FRAS1: variants seen among roughly 807,000 people sequenced by gnomAD.
The protein encoded by FRAS1 is Fraser extracellular matrix complex subunit 1.
A neutral mutation model predicts 435.2 loss-of-function variants in FRAS1; 290 were observed. That is an observed-to-expected ratio of 0.67 (90% CI 0.61 to 0.73). The LOEUF (loss-of-function observed/expected upper bound fraction) is 0.73, where lower values mean the gene tolerates loss of function less well. Among genes scored for constraint, FRAS1 ranks in the 30% least tolerant of loss-of-function variants. The pLI, the probability that FRAS1 is intolerant of heterozygous loss-of-function variation, is 0.00. For missense variants in FRAS1, 4,860 were observed against 5,001.5 expected (o/e 0.97, Z 0.85); for synonymous variants, 1,800 against 1,851.0 (o/e 0.97, Z 0.71).
At chr4:78,126,714 A>C (rs1161390267) in intron 2 of FRAS1, among the ~76,000 whole-genome samples, 2 of 152,188 alleles carry the variant, frequency 1.3e-5, no homozygotes, top group Non-Finnish European at 2.9e-5. Flanking sequence ...TGTACAATTT[A>C]AGTATTTATA....
intron 65 of FRAS1, among the ~76,000 whole-genome samples, chr4:78,514,945 G>A (rs1721158034): frequency 6.6e-6 from 1 of 151,668 alleles, no homozygotes; most frequent in Non-Finnish European, 1.5e-5. Context: ...ACGTGCACCT[G>A]TAATCCCAGC....
intron 2 of FRAS1, among the ~76,000 whole-genome samples, chr4:78,153,448 C>T (rs1285808215): frequency 1.3e-5 from 2 of 152,180 alleles, no homozygotes; most frequent in Non-Finnish European, 2.9e-5. Context: ...CTCCTTCTGT[C>T]TAAACACTAA....
At chr4:78,090,139 T>C (rs948232567) in intron 2 of FRAS1, among the ~76,000 whole-genome samples, 1 of 152,172 alleles carries the variant, frequency 6.6e-6, no homozygotes, top group African/African-American at 2.4e-5. Flanking sequence ...TTCCAGTAAT[T>C]GTGAATGTGC....
chr4:78,163,481 A>G (rs1183581867), intron 2 of FRAS1, among the ~76,000 whole-genome samples: 2 of 152,198 alleles, frequency 1.3e-5, no homozygotes, highest in Non-Finnish European at 2.9e-5. Flanking sequence ...AATATTTAAA[A>G]TGGTTTTATT....
In FRAS1 at chr4:78,479,702, T is replaced by C. The variant is rs1022474216; in HGVS notation, c.8427T>C (p.Thr2809=). The C allele has an allele frequency of 2.5e-6, 4 of 1,592,022 alleles. No homozygotes were observed. The South Asian group carries it at 3.4e-5, about 14-fold the overall frequency. The change falls in exon 56 of 74, where the codon ACT becomes ACC. Residue 2809 remains threonine (T), a synonymous_variant. Coordinates refer to ENST00000512123, the MANE Select transcript of FRAS1 (RefSeq NM_025074.7). The part of the protein sequence containing the change: ...STVSLGNTAF[T]VSEDAGTVKI... ...TGTCCCTGGGCAACACGGCTTTCAC[T>C]GTCAGTGAGGACGCAGGTAATGGAG...
intron 2 of FRAS1, among the ~76,000 whole-genome samples, chr4:78,192,307 G>A (rs1273945363): frequency 6.6e-6 from 1 of 152,172 alleles, no homozygotes; most frequent in African/African-American, 2.4e-5. Context: ...AAATGAGTTA[G>A]GGAGGATTCC....
In FRAS1 at chr4:78,129,719, CT is replaced by C. The variant is rs543323705; in HGVS notation, c.108+63705del. Among the ~76,000 whole-genome samples the C allele has an allele frequency of 2.2e-3, 330 of 152,174 alleles. 1 individual carries two copies. The highest frequency in any genetic ancestry group is 7.3e-3 in the African/African-American group (302 of 41,506). On this transcript the variant is annotated intron_variant, in intron 2 of 73. Coordinates refer to ENST00000512123, the MANE Select transcript of FRAS1 (RefSeq NM_025074.7). Reference sequence around the variant, plus strand: ...AAGGGTATTTTCAACCAATATGATCCTTCTAAAATTGACCTCCTCACCTTCT... The same window carrying C: ...AAGGGTATTTTCAACCAATATGATCCTCTAAAATTGACCTCCTCACCTTCT...
At position 78,539,414 on chromosome 4, in the gene FRAS1, A is replaced by G. The variant is rs1478559961; in HGVS notation, c.11419A>G (p.Thr3807Ala). Residue 3807 changes from threonine to alanine, a missense_variant, in exon 73 of 74, where the codon ACT (threonine) becomes GCT (alanine). Physicochemically the swap from Thr to Ala is moderately conservative, Grantham distance 58 (BLOSUM62 0). Coordinates refer to ENST00000512123, the MANE Select transcript of FRAS1 (RefSeq NM_025074.7). ...VSNMPGVDGF[T>A]LKVDALYKVE... is the part of the protein sequence containing the mutation. ...TAACATGCCAGGTGTGGATGGATTTACTCTAAAAGTAGATGCACTCTATAA... is the reference window on the plus strand; with the variant it reads ...TAACATGCCAGGTGTGGATGGATTTGCTCTAAAAGTAGATGCACTCTATAA... 1.9e-6 allele frequency: 3 copies of G among 1,611,728 alleles called. No homozygotes were observed. Among genetic ancestry groups the G allele is most frequent in the East Asian group, 4.5e-5 (2 of 44,778 alleles).
intron 70 of FRAS1, 61 bp downstream of exon 70, chr4:78,526,718 C>A: frequency 1.9e-6 from 2 of 1,076,212 alleles, no homozygotes; most frequent in South Asian, 3.3e-5. Context: ...TTCTCCTACT[C>A]ACTAAAATTT....
intron 22 of FRAS1, among the ~76,000 whole-genome samples, chr4:78,367,254 A>ACCC: frequency 6.6e-6 from 1 of 152,132 alleles, no homozygotes; most frequent in Non-Finnish European, 1.5e-5. Context: ...AAAATTAAAA[A>ACCC]ATAAGCTGGG....
intron 2 of FRAS1, among the ~76,000 whole-genome samples, chr4:78,066,420 T>C (rs1408620984): frequency 6.6e-6 from 1 of 152,210 alleles, no homozygotes; most frequent in Non-Finnish European, 1.5e-5. Context: ...TTAAGTAGAA[T>C]AGGAAGGATT....
chr4:78,146,872 A>G (rs1019334870), intron 2 of FRAS1, among the ~76,000 whole-genome samples: 1 of 152,100 alleles, frequency 6.6e-6, no homozygotes, highest in Admixed American at 6.6e-5. Context: ...ATTGATAATT[A>G]CATGTTTTTT....
chr4:78,304,857 T>C (rs1024777631), intron 14 of FRAS1, among the ~76,000 whole-genome samples: 1 of 151,632 alleles, frequency 6.6e-6, no homozygotes, highest in Non-Finnish European at 1.5e-5. Flanking sequence ...GTGTCTCTAT[T>C]TCCTTCAGTT....
chr4:78,353,990 G>T (rs2110283301), intron 20 of FRAS1, among the ~76,000 whole-genome samples: 1 of 110,562 alleles, frequency 9.0e-6, no homozygotes, highest in East Asian at 3.0e-4. Flanking sequence ...CTAAAACTTA[G>T]AGTATAACAA....
At chr4:78,450,734 A>G (rs1378674509) in intron 45 of FRAS1, among the ~76,000 whole-genome samples, 2 of 152,214 alleles carry the variant, frequency 1.3e-5, no homozygotes, top group Admixed American at 6.5e-5. Context: ...CCCAAAGAGC[A>G]CAAGTTAATG....
Position 78,057,774 on chromosome 4 carries a change from G to A in FRAS1, c.-236G>A, listed in dbSNP as rs150250987. 1.2e-3 allele frequency: 670 copies of A among 553,606 alleles called. 2 individuals carry two copies. The highest frequency in any genetic ancestry group is 0.011 in the African/African-American group (608 of 53,006). The allele number at this position is 553,606 out of a possible 1,614,324, so 34.3% of individuals were successfully genotyped here. On this transcript the variant is annotated 5_prime_UTR_variant, in exon 1 of 74. Transcript: ENST00000512123. This position sits in a 1 kb window ranked among gnomAD's most constrained non-coding sequence, Gnocchi z 4.2. ...TCACGTTGGCGTCCTGCCTTGCGGG[G>A]GAACTCGGCGCGCTCTCTGCCTGAG...
At chr4:78,301,132 AG>A (rs1728372640) in intron 14 of FRAS1, among the ~76,000 whole-genome samples, 1 of 152,178 alleles carries the variant, frequency 6.6e-6, no homozygotes, top group South Asian at 2.1e-4. Context: ...TGAATTACTA[AG>A]GTAGGGTTAC....
rs561144308 is a variant in FRAS1, at chr4:78,414,658, A to T, written c.4425+1573A>T. 1.5e-4 allele frequency among the ~76,000 whole-genome samples: 23 copies of T among 152,320 alleles called. 1 individual carries two copies. The East Asian group carries it at 4.2e-3, about 28-fold the overall frequency. ...TAAATATATTGTGAATGCATATGGT[A>T]AATAACTATATGGCATATTTAGTAT... On this transcript the variant is annotated intron_variant, in intron 32 of 73. Transcript: ENST00000512123.
At chr4:78,101,459 C>A (rs1007288001) in intron 2 of FRAS1, among the ~76,000 whole-genome samples, 1 of 152,130 alleles carries the variant, frequency 6.6e-6, no homozygotes. Context: ...TCAACAAAAA[C>A]CAAAACTTTG....
Sources: gnomAD v4.1 joint callset for allele counts (sites outside exome capture counted in the v4.1 genomes callset) on GRCh38, gnomAD v4.1.1 for gene constraint, Gnocchi (gnomAD v3.1) non-coding constraint, MANE v1.5 for transcripts, NCBI Gene and HGNC (gene_info 2026-07-23, HGNC 2026-07-21) for gene names.